GPM6A: variants seen among roughly 807,000 people sequenced by gnomAD.
GPM6A encodes neuronal membrane glycoprotein M6-a.
In GPM6A, 7 loss-of-function variants were observed where a neutral mutation model predicts 32.1. That is an observed-to-expected ratio of 0.22 (90% confidence interval 0.12 to 0.41). The LOEUF (loss-of-function observed/expected upper bound fraction) is 0.41. GPM6A is among the 10% of genes least tolerant of loss of function. GPM6A has a pLI of 1.00. For missense variants in GPM6A, 235 were observed against 347.2 expected (o/e 0.68, Z 2.57); for synonymous variants, 130 against 123.4 (o/e 1.05, Z -0.35).
At chr4:175,680,968 A>G (rs547369303) in intron 2 of GPM6A, among the ~76,000 whole-genome samples, 8 of 152,182 alleles carry the variant, frequency 5.3e-5, no homozygotes, top group Non-Finnish European at 8.8e-5. Flanking sequence ...ATACTACTCC[A>G]TGTGTATTTA....
intron 1 of GPM6A, among the ~76,000 whole-genome samples, chr4:175,976,452 C>T (rs1421667293): frequency 6.6e-6 from 1 of 152,068 alleles, no homozygotes; most frequent in East Asian, 1.9e-4. Flanking sequence ...AGGCGTGAGC[C>T]ACCACGCCCA....
At chr4:175,767,602 G>C in intron 1 of GPM6A, among the ~76,000 whole-genome samples, 1 of 152,186 alleles carries the variant, frequency 6.6e-6, no homozygotes, top group Non-Finnish European at 1.5e-5. Flanking sequence ...TTTAATAAAA[G>C]TAACTACACA....
At chr4:175,763,281 G>A (rs1014963149) in intron 1 of GPM6A, among the ~76,000 whole-genome samples, 1 of 152,062 alleles carries the variant, frequency 6.6e-6, no homozygotes, top group Non-Finnish European at 1.5e-5. Context: ...CAAAGTGCTG[G>A]GATTACAGGC....
chr4:175,829,277 C>T (rs925201989), intron 1 of GPM6A, among the ~76,000 whole-genome samples: 5 of 152,086 alleles, frequency 3.3e-5, no homozygotes, highest in Non-Finnish European at 7.4e-5. Flanking sequence ...AGAAAATGGA[C>T]TCGATATAGT....
At chr4:175,641,444 T>G (rs763523240) in intron 4 of GPM6A, 1 of 152,556 alleles carries the variant, frequency 6.6e-6, no homozygotes, top group Non-Finnish European at 1.5e-5. Context: ...CTATGAATAT[T>G]AGGCCTAGAA....
At chr4:175,960,830 C>T (rs889855535) in intron 1 of GPM6A, 5 of 152,170 alleles carry the variant, frequency 3.3e-5, no homozygotes, top group African/African-American at 1.2e-4. Context: ...AATGACTAAT[C>T]CCACAACATG....
chr4:175,778,645 A>G (rs796570728), intron 1 of GPM6A, among the ~76,000 whole-genome samples: 2,470 of 148,060 alleles, frequency 0.017, 28 homozygotes, highest in Non-Finnish European at 0.028. Flanking sequence ...AAAAAAAAAA[A>G]AAAAAGAAAA....
chr4:175,686,019 T>C (rs1265113595), intron 2 of GPM6A, among the ~76,000 whole-genome samples: 1 of 152,164 alleles, frequency 6.6e-6, no homozygotes, highest in Non-Finnish European at 1.5e-5. Flanking sequence ...TATTCCAATG[T>C]TCCAAGATGC....
chr4:175,735,975 G>A (rs958295177), intron 1 of GPM6A, among the ~76,000 whole-genome samples: 7 of 151,924 alleles, frequency 4.6e-5, no homozygotes, highest in Non-Finnish European at 7.4e-5. Context: ...TTCTAAATTC[G>A]GTTTCATCCA....
At chr4:175,759,155 T>G (rs908951969) in intron 1 of GPM6A, among the ~76,000 whole-genome samples, 21 of 152,194 alleles carry the variant, frequency 1.4e-4, no homozygotes, top group Non-Finnish European at 1.0e-4. Context: ...ACCGCAAATC[T>G]CACTGTTAGT....
intron 1 of GPM6A, among the ~76,000 whole-genome samples, chr4:175,765,325 T>A (rs1732920390): frequency 1.3e-5 from 2 of 152,218 alleles, no homozygotes; most frequent in Non-Finnish European, 2.9e-5. Flanking sequence ...GGACTCTTCC[T>A]TCTTGCCTTG....
chr4:175,745,330 A>C (rs1330638878), intron 1 of GPM6A, among the ~76,000 whole-genome samples: 1 of 152,198 alleles, frequency 6.6e-6, no homozygotes, highest in African/African-American at 2.4e-5. Context: ...TAAGCAGATG[A>C]AAGTGTTTTC....
At chr4:175,826,334 C>CGT (rs142364470) in intron 1 of GPM6A, among the ~76,000 whole-genome samples, 66,893 of 149,704 alleles carry the variant, frequency 0.45, 15,162 homozygotes, top group Non-Finnish European at 0.5. Flanking sequence ...GTGGCGTACA[C>CGT]GTGTGTGTGT....
chr4:175,948,508 T>C (rs1739687520), intron 1 of GPM6A, among the ~76,000 whole-genome samples: 2 of 152,212 alleles, frequency 1.3e-5, no homozygotes, highest in Admixed American at 6.5e-5. Context: ...GTCTATTGTA[T>C]TGTGTTACAG....
chr4:175,699,335 T>C (rs1251836388), intron 2 of GPM6A, among the ~76,000 whole-genome samples: 2 of 152,312 alleles, frequency 1.3e-5, no homozygotes, highest in East Asian at 1.9e-4. Context: ...ATCTAAGGCA[T>C]TGATAGCTAT....
chr4:175,653,000 A>G (rs1458669972), intron 3 of GPM6A, among the ~76,000 whole-genome samples: 1 of 152,176 alleles, frequency 6.6e-6, no homozygotes, highest in Non-Finnish European at 1.5e-5. Flanking sequence ...TATAATAAAT[A>G]TACTGAATGA....
At chr4:175,942,562 A>G (rs903085118) in intron 1 of GPM6A, among the ~76,000 whole-genome samples, 1 of 152,174 alleles carries the variant, frequency 6.6e-6, no homozygotes, top group Non-Finnish European at 1.5e-5. Flanking sequence ...TATAAGGTGT[A>G]AGGAAGGGGT....
At chr4:175,975,114 T>G (rs1740621790) in intron 1 of GPM6A, among the ~76,000 whole-genome samples, 1 of 152,234 alleles carries the variant, frequency 6.6e-6, no homozygotes, top group South Asian at 2.1e-4. Context: ...TGCTCATCTG[T>G]GCCATACATG....
intron 1 of GPM6A, among the ~76,000 whole-genome samples, chr4:175,716,233 C>T (rs1745835685): frequency 6.6e-6 from 1 of 152,034 alleles, no homozygotes. Context: ...AGCTTCAAAC[C>T]CTCCACCATG....
Sources: gnomAD v4.1 joint callset for allele counts (sites outside exome capture counted in the v4.1 genomes callset) on GRCh38, gnomAD v4.1.1 for gene constraint, MANE v1.5 for transcripts, NCBI Gene and HGNC (gene_info 2026-07-23, HGNC 2026-07-21) for gene names.